The following WDR20 variants were observed in gnomAD, a reference collection of about 807,000 sequenced individuals.
The protein encoded by WDR20 is WD repeat-containing protein 20.
Under a neutral mutation model 38.7 loss-of-function variants are expected in WDR20, and 3 were observed. That is an observed-to-expected ratio of 0.08 (90% CI 0.04 to 0.20). The LOEUF (loss-of-function observed/expected upper bound fraction) is 0.20, where lower values mean the gene tolerates loss of function less well. Ranked by LOEUF, WDR20 falls within the 10% of genes least tolerant of loss-of-function variation. WDR20 has a pLI of 1.00. For missense variants in WDR20, 559 were observed against 727.7 expected, an observed-to-expected ratio of 0.77 and a Z score of 2.67; for synonymous variants, 298 against 285.6, an observed-to-expected ratio of 1.04 and a Z score of -0.44.
intron 1 of WDR20, among the ~76,000 whole-genome samples, chr14:102,161,352 C>T (rs1198796515): frequency 2.0e-5 from 3 of 148,280 alleles, no homozygotes; most frequent in Admixed American, 6.8e-5. Flanking sequence ...CTCTCTCTGT[C>T]ACCCAGGCTG....
chr14:102,161,141 TA>T (rs1468612781), intron 1 of WDR20, among the ~76,000 whole-genome samples: 35 of 21,768 alleles, frequency 1.6e-3, no homozygotes, highest in African/African-American at 2.0e-3. Context: ...TATATATATA[TA>T]TTTTTTTTTT....
chr14:102,173,423 CTTT>C, intron 1 of WDR20, among the ~76,000 whole-genome samples: 2 of 146,128 alleles, frequency 1.4e-5, no homozygotes, highest in South Asian at 4.3e-4. Context: ...CTGTTTTTTT[CTTT>C]TTTTAAAATT....
intron 1 of WDR20, among the ~76,000 whole-genome samples, chr14:102,161,757 C>T (rs2058808671): frequency 6.6e-6 from 1 of 151,880 alleles, no homozygotes; most frequent in African/African-American, 2.4e-5. Flanking sequence ...GTTTAGGTGG[C>T]AAAACAGTGG....
Position 102,221,275 on chromosome 14 carries a change from CTT to C in WDR20, c.1693-1552_1693-1551del, listed in dbSNP as rs1203319623. Among the ~76,000 whole-genome samples, 29 of 152,240 alleles carry C rather than the reference CTT, an allele frequency of 1.9e-4. No homozygotes were observed. The highest frequency in any genetic ancestry group is 5.9e-5 in the Non-Finnish European group (4 of 68,046). On this transcript the variant is annotated intron_variant, in intron 3 of 3. Coordinates refer to the WDR20 transcript ENST00000335263. The surrounding 1 kb of genome is among the most constrained non-coding windows in gnomAD (Gnocchi z 4.8). ...TTCTCCCTCTGCCAGGAGTAGATGA[CTT>C]TTCTGTTGCCGGGGGGAAGGGAGGT...
upstream of WDR20, chr14:102,139,821 G>T (rs2050238371): frequency 2.0e-6 from 3 of 1,519,396 alleles, no homozygotes; most frequent in Non-Finnish European, 2.7e-6. Flanking sequence ...GGAGGGGCGA[G>T]AAGGAAGAGG....
At chr14:102,159,739 T>TG (rs760444174) in intron 1 of WDR20, among the ~76,000 whole-genome samples, 3 of 151,546 alleles carry the variant, frequency 2.0e-5, no homozygotes, top group African/African-American at 7.3e-5. Context: ...AAAGCTGAGG[T>TG]GGGAGGATCA....
intron 1 of WDR20, among the ~76,000 whole-genome samples, chr14:102,172,364 G>A (rs1293694632): frequency 8.7e-5 from 13 of 149,818 alleles, no homozygotes; most frequent in African/African-American, 2.2e-4. Flanking sequence ...ACCTTTCCCC[G>A]CTTTCTATTC....
In WDR20 at chr14:102,207,210, C is replaced by A. The variant is rs1179419734; in HGVS notation, c.433-1393C>A. The stretch of plus-strand genomic sequence containing the variant: ...TGCATGGTCCCCAGCCCTGGGCCCG[C>A]ATGCTGTGTGGCGTTCAGGCCTCCG... On this transcript the variant is annotated intron_variant, in intron 2 of 2. Coordinates refer to ENST00000342702, the MANE Select transcript of WDR20 (RefSeq NM_144574.4). The surrounding 1 kb of genome is among the most constrained non-coding windows in gnomAD (Gnocchi z 5.0). Among the ~76,000 whole-genome samples, 1 of 152,256 alleles carries A rather than the reference C, an allele frequency of 6.6e-6. No homozygotes were observed. Among genetic ancestry groups the A allele is most frequent in the African/African-American group, 2.4e-5 (1 of 41,472 alleles).
intron 1 of WDR20, 144 bp downstream of exon 1, chr14:102,140,316 T>A: frequency 7.6e-7 from 1 of 1,317,414 alleles, no homozygotes; most frequent in Non-Finnish European, 1.0e-6. Flanking sequence ...GGGGTACTCC[T>A]GAGGAGAGGG....
rs142067156 is a variant in WDR20, at chr14:102,220,537, A to G, written c.1693-2293A>G. On this transcript the variant is annotated intron_variant, in intron 3 of 3. Coordinates refer to the WDR20 transcript ENST00000335263. This position sits in a 1 kb window ranked among gnomAD's most constrained non-coding sequence, Gnocchi z 4.2. Reference sequence around the variant, plus strand: ...AGGAGGTCTTCAAGACCATCCTAACAGTGAAACCCCATCTCTACTAAAACT... The same window carrying G: ...AGGAGGTCTTCAAGACCATCCTAACGGTGAAACCCCATCTCTACTAAAACT... Among the ~76,000 whole-genome samples, 691 of 152,228 alleles carry G rather than the reference A, an allele frequency of 4.5e-3. 6 individuals are homozygous for G. Among genetic ancestry groups the G allele is most frequent in the African/African-American group, 0.015 (640 of 41,552 alleles).
intron 1 of WDR20, among the ~76,000 whole-genome samples, chr14:102,147,606 A>G (rs1026099941): frequency 6.6e-6 from 1 of 152,266 alleles, no homozygotes; most frequent in Non-Finnish European, 1.5e-5. Flanking sequence ...TTGACTTAAT[A>G]TAGTGACTTA....
At chr14:102,141,341 A>G (rs2051047915) in intron 1 of WDR20, among the ~76,000 whole-genome samples, 1 of 152,234 alleles carries the variant, frequency 6.6e-6, no homozygotes, top group African/African-American at 2.4e-5. Flanking sequence ...TTGTTACAAG[A>G]GCTAGGGAAA....
At chr14:102,175,867 T>A (rs773685406) in intron 1 of WDR20, among the ~76,000 whole-genome samples, 12 of 152,226 alleles carry the variant, frequency 7.9e-5, no homozygotes, top group Non-Finnish European at 1.5e-4. Context: ...GCTGTTGGTA[T>A]ATAGCAGAGC....
At chr14:102,215,877 G>A (rs1029831991), downstream of WDR20, among the ~76,000 whole-genome samples, 2 of 152,186 alleles carry the variant, frequency 1.3e-5, no homozygotes, top group African/African-American at 4.8e-5. Context: ...GACAGACGAC[G>A]TAGCTGATCT....
intron 1 of WDR20, among the ~76,000 whole-genome samples, chr14:102,160,243 G>A (rs1407238073): frequency 6.6e-6 from 1 of 152,118 alleles, no homozygotes; most frequent in Non-Finnish European, 1.5e-5. Context: ...GGAGAGATTG[G>A]TTTTAAAATT....
chr14:102,203,140 T>C (rs72698549), intron 2 of WDR20, among the ~76,000 whole-genome samples: 7,588 of 152,268 alleles, frequency 0.05, 198 homozygotes, highest in Middle Eastern at 0.068. Context: ...TTTCATGTTA[T>C]TCTGCCACTT....
At chr14:102,151,613 G>A (rs1406714909) in intron 1 of WDR20, among the ~76,000 whole-genome samples, 1 of 151,756 alleles carries the variant, frequency 6.6e-6, no homozygotes, top group Admixed American at 6.6e-5. Flanking sequence ...GGTTGGTCTT[G>A]CCTGGGTTCA....
intron 2 of WDR20, among the ~76,000 whole-genome samples, chr14:102,203,761 T>C (rs61318968): frequency 6.6e-6 from 1 of 152,150 alleles, no homozygotes; most frequent in African/African-American, 2.4e-5. Flanking sequence ...CCCATTGACA[T>C]TGGAGAGAAT....
At chr14:102,147,613 C>A (rs1194767047) in intron 1 of WDR20, among the ~76,000 whole-genome samples, 1 of 152,174 alleles carries the variant, frequency 6.6e-6, no homozygotes, top group African/African-American at 2.4e-5. Context: ...AATATAGTGA[C>A]TTAAGGGTAA....
Sources: allele counts gnomAD v4.1 joint callset (sites outside exome capture counted in the v4.1 genomes callset), GRCh38; gene constraint gnomAD v4.1.1; non-coding constraint Gnocchi (gnomAD v3.1); transcripts MANE v1.5; gene names NCBI Gene and HGNC (gene_info 2026-07-23, HGNC 2026-07-21).